ARL6IP1: variants seen among roughly 807,000 people sequenced by gnomAD.
The protein encoded by ARL6IP1 is ARL6 interacting reticulophagy regulator 1.
Under a neutral mutation model 30.1 loss-of-function variants are expected in ARL6IP1, and 16 were observed. That is an observed-to-expected ratio of 0.53 (90% CI 0.36 to 0.81). ARL6IP1 has a LOEUF of 0.81. ARL6IP1 is among the 30% of genes least tolerant of loss of function. The pLI, the probability that ARL6IP1 is intolerant of heterozygous loss-of-function variation, is 0.01. For synonymous variants in ARL6IP1, 72 were observed against 84.8 expected, an observed-to-expected ratio of 0.85 and a Z score of 0.83; for missense variants, 173 against 242.7, an observed-to-expected ratio of 0.71 and a Z score of 1.91.
At position 18,791,679 on chromosome 16, in the gene ARL6IP1, C is replaced by CT. The variant is rs1567289936; in HGVS notation, c.*1572dup. ...AGAAAGTGAGACATGAAGATTCCAG[C>CT]TTTTTTTATTTTTTCCCCTTTTACA... is the stretch of plus-strand genomic sequence containing the variant. On this transcript the variant is annotated 3_prime_UTR_variant, in exon 6 of 6. Coordinates refer to ENST00000304414, the MANE Select transcript of ARL6IP1 (RefSeq NM_015161.3). The CT allele has an allele frequency of 6.6e-6, 1 of 152,146 alleles. No individual in the cohort carries two copies. The highest frequency in any genetic ancestry group is 2.1e-4 in the South Asian group (1 of 4,814). 9.4% of individuals were successfully genotyped at this position (152,146 alleles called of 1,614,324 possible). A position where few individuals can be genotyped will look rare whatever the true frequency, so the allele number is the denominator to read the frequency against.
At position 18,791,710 on chromosome 16, in the gene ARL6IP1, CAAAGT is replaced by C. The variant is rs1341570440; in HGVS notation, c.*1537_*1541del. 1 of 151,968 alleles carries C rather than the reference CAAAGT, an allele frequency of 6.6e-6. No individual in the cohort carries two copies. The highest frequency in any genetic ancestry group is 1.5e-5 in the Non-Finnish European group (1 of 67,968). The allele number at this position is 151,968 out of a possible 1,614,324, so 9.4% of individuals were successfully genotyped here. ...TTATTTTTTCCCCTTTTACACAAAA[CAAAGT>C]AGAAGAAATAATACAGGATTAAAAC... On this transcript the variant is annotated 3_prime_UTR_variant, in exon 6 of 6. Transcript: ENST00000304414.
rs777570163 is a variant in ARL6IP1, at chr16:18,795,539, A to G, written c.333T>C (p.Asn111=). The change falls in exon 4 of 6, where the codon AAT becomes AAC. Residue 111 remains asparagine (N), a synonymous_variant. Transcript: ENST00000304414. The part of the protein sequence containing the change: ...QQQRFHEICS[N]LVKTRRRAVG... ...CAGCTCTGCGTCGAGTTTTTACTAG[A>G]TTGCTGCAAATTTCATGGAATCTTT... 6 of 1,613,628 alleles carry G rather than the reference A, an allele frequency of 3.7e-6. No individual in the cohort carries two copies. The Admixed American group carries it at 1.0e-4, about 27-fold the overall frequency.
At chr16:18,801,290 C>T in intron 1 of ARL6IP1, 141 bp downstream of exon 1, 1 of 1,489,920 alleles carries the variant, frequency 6.7e-7, no homozygotes, top group Non-Finnish European at 8.9e-7. Flanking sequence ...CCCAAGAAGC[C>T]CGAGGGCCAG....
At chr16:18,793,632 T>C (rs985070196) in intron 5 of ARL6IP1, among the ~76,000 whole-genome samples, 10 of 152,184 alleles carry the variant, frequency 6.6e-5, no homozygotes, top group Middle Eastern at 3.4e-3. Flanking sequence ...GGTTTCTCCA[T>C]GTTAGTCAGG....
Position 18,793,165 on chromosome 16 carries a change from G to A in ARL6IP1, c.*87C>T, listed in dbSNP as rs942409340. 4 of 839,194 alleles carry A rather than the reference G, an allele frequency of 4.8e-6. No homozygotes were observed. Among genetic ancestry groups the A allele is most frequent in the Admixed American group, 2.4e-5 (1 of 41,108 alleles). The allele number at this position is 839,194 out of a possible 1,614,324, so 52.0% of individuals were successfully genotyped here. On this transcript the variant is annotated 3_prime_UTR_variant, in exon 6 of 6. Coordinates refer to ENST00000304414, the MANE Select transcript of ARL6IP1 (RefSeq NM_015161.3). ...TGAGGGAGAACAAAGAGCTACTTCC[G>A]TAACATTTTAGTATCCAGATAGTAC...
chr16:18,795,114 C>T (rs1313345728), intron 4 of ARL6IP1: 5 of 216,286 alleles, frequency 2.3e-5, no homozygotes, highest in Non-Finnish European at 3.7e-5. Flanking sequence ...CTCACTGCAG[C>T]CTCGACCTCC....
intron 3 of ARL6IP1, 36 bp from the exon 4 acceptor site, chr16:18,795,617 C>G (rs563057667): frequency 6.9e-7 from 1 of 1,450,510 alleles, no homozygotes. Context: ...ATAAACAAAT[C>G]GTTACAGTAG....
At chr16:18,793,480 G>A (rs533654330) in intron 5 of ARL6IP1, 110 bp from the exon 6 acceptor site, 3 of 616,778 alleles carry the variant, frequency 4.9e-6, no homozygotes, top group South Asian at 4.2e-5. Context: ...TGCCCAGGCT[G>A]GAGTGCAATG....
chr16:18,793,143 G>C lies in ARL6IP1; in HGVS notation c.*109C>G. Reference sequence around the variant, plus strand: ...TTTCTATTAACTAAGGGCAGAGTGAGGGAGAACAAAGAGCTACTTCCGTAA... The same window carrying C: ...TTTCTATTAACTAAGGGCAGAGTGACGGAGAACAAAGAGCTACTTCCGTAA... On this transcript the variant is annotated 3_prime_UTR_variant, in exon 6 of 6. Transcript: ENST00000304414. 3 of 709,922 alleles carry C rather than the reference G, an allele frequency of 4.2e-6. No homozygotes were observed. The highest frequency in any genetic ancestry group is 7.1e-6 in the Non-Finnish European group (3 of 421,464). 44.0% of individuals were successfully genotyped at this position (709,922 alleles called of 1,614,324 possible).
chr16:18,799,948 T>G (rs1018408999), intron 1 of ARL6IP1, among the ~76,000 whole-genome samples: 2 of 152,136 alleles, frequency 1.3e-5, no homozygotes, highest in Non-Finnish European at 2.9e-5. Context: ...GGATCACGCC[T>G]GTAAACCCAG....
intron 3 of ARL6IP1, 128 bp from the exon 4 acceptor site, chr16:18,795,709 A>T: frequency 7.8e-6 from 5 of 643,356 alleles, no homozygotes; most frequent in Non-Finnish European, 1.3e-5. Context: ...CCATTATCTT[A>T]TGTAGGTGAA....
rs746105070 is a variant in ARL6IP1 at position 18,798,864 on chromosome 16, T to C, written c.37-30A>G. ...ATACCACCGACATTTAAAGTGATCA[T>C]TTTACCACTCTCAACATTTTTGTGG... On this transcript the variant is annotated intron_variant, in intron 1 of 5. Transcript: ENST00000304414. The C allele has an allele frequency of 3.8e-6, 6 of 1,593,654 alleles. No individual in the cohort carries two copies. The Admixed American group carries it at 8.6e-5, about 23-fold the overall frequency.
Position 18,798,766 on chromosome 16 carries a change from T to C in ARL6IP1, c.105A>G (p.Lys35=), listed in dbSNP as rs772991409. 1 of 1,614,210 alleles carries C rather than the reference T, an allele frequency of 6.2e-7. No individual in the cohort carries two copies. The highest frequency in any genetic ancestry group is 1.7e-5 in the Admixed American group (1 of 60,008). ...GWGEVMLMAD[K]VLRWERAWFP... ...ACCAGGCTCTTTCCCATCGGAGGACTTTATCAGCCATCAGCATCACTTCTC... is the reference window on the plus strand; with the variant it reads ...ACCAGGCTCTTTCCCATCGGAGGACCTTATCAGCCATCAGCATCACTTCTC... Residue 35 remains lysine (K), a synonymous_variant, in exon 2 of 6, where the codon AAA becomes AAG. Coordinates refer to ENST00000304414, the MANE Select transcript of ARL6IP1 (RefSeq NM_015161.3).
At chr16:18,798,432 TTAAAG>T in intron 2 of ARL6IP1, 1 of 376,654 alleles carries the variant, frequency 2.7e-6, no homozygotes, top group Non-Finnish European at 4.7e-6. Context: ...TTCCCAGAAC[TTAAAG>T]TATAATAACA....
chr16:18,793,402 G>C, intron 5 of ARL6IP1, 32 bp from the exon 6 acceptor site: 1 of 1,289,300 alleles, frequency 7.8e-7, no homozygotes, highest in Non-Finnish European at 1.1e-6. Context: ...ACATTAAGGA[G>C]GCAGCAATTA....
chr16:18,797,390 A>T (rs2030272447), intron 3 of ARL6IP1, among the ~76,000 whole-genome samples: 1 of 151,822 alleles, frequency 6.6e-6, no homozygotes, highest in Non-Finnish European at 1.5e-5. Context: ...TCAAAAAAAA[A>T]AAAAAAAAAG....
chr16:18,798,981 T>G lies in ARL6IP1; in HGVS notation c.37-147A>C, dbSNP rs2030325635. 4 of 880,828 alleles carry G rather than the reference T, an allele frequency of 4.5e-6. No individual in the cohort carries two copies. In the East Asian group the frequency reaches 1.1e-4, roughly 24 times the overall value. The allele number at this position is 880,828 out of a possible 1,614,324, so 54.6% of individuals were successfully genotyped here. A position where few individuals can be genotyped will look rare whatever the true frequency, so the allele number is the denominator to read the frequency against. On this transcript the variant is annotated intron_variant, in intron 1 of 5. Coordinates refer to ENST00000304414, the MANE Select transcript of ARL6IP1 (RefSeq NM_015161.3). The stretch of plus-strand genomic sequence containing the variant: ...TTAAACTAGTTGGTTTCTGAAAAAC[T>G]GCAATTTCAAAGATGAAAATACAAT...
Position 18,801,218 on chromosome 16 carries a change from G to A in ARL6IP1, c.36+213C>T. On this transcript the variant is annotated intron_variant, in intron 1 of 5. Transcript: ENST00000304414. ...TCCTACTCGCGGTGATGAATCACGC[G>A]CCCTCCTCGCCCCGTCGCGCACCGT... The A allele has an allele frequency of 2.1e-6, 3 of 1,409,174 alleles. No homozygotes were observed. The South Asian group carries it at 4.6e-5, about 21-fold the overall frequency. 87.3% of individuals were successfully genotyped at this position (1,409,174 alleles called of 1,614,324 possible). A position where few individuals can be genotyped will look rare whatever the true frequency, so the allele number is the denominator to read the frequency against.
chr16:18,798,448 A>AAG (rs1292420013), intron 2 of ARL6IP1: 4 of 417,264 alleles, frequency 9.6e-6, no homozygotes, highest in African/African-American at 8.2e-5. Context: ...TATAATAACA[A>AAG]AAAAAGAGTT....
Sources: allele counts gnomAD v4.1 joint callset (sites outside exome capture counted in the v4.1 genomes callset), GRCh38; gene constraint gnomAD v4.1.1; transcripts MANE v1.5; gene names NCBI Gene and HGNC (gene_info 2026-07-23, HGNC 2026-07-21).